DNAI3: variants seen among roughly 807,000 people sequenced by gnomAD.
The protein encoded by DNAI3 is WD repeat domain 63.
Under a neutral mutation model 115.5 loss-of-function variants are expected in DNAI3, and 83 were observed. That is an observed-to-expected ratio of 0.72 (90% confidence interval 0.60 to 0.86). The LOEUF (loss-of-function observed/expected upper bound fraction) is 0.86. Among genes scored for constraint, DNAI3 ranks in the 40% least tolerant of loss-of-function variants. The probability of loss-of-function intolerance (pLI) is 0.00; values close to 1 mark genes in which losing one functional copy is unlikely to be tolerated. For missense variants in DNAI3, 1,004 were observed against 1,075.8 expected, an observed-to-expected ratio of 0.93 and a Z score of 0.93; for synonymous variants, 320 against 347.0, an observed-to-expected ratio of 0.92 and a Z score of 0.86.
intron 11 of DNAI3, 32 bp from the exon 12 acceptor site, chr1:85,097,537 A>G: frequency 6.4e-7 from 1 of 1,565,078 alleles, no homozygotes; most frequent in Admixed American, 2.0e-5. Flanking sequence ...TATTTTCTGA[A>G]AAGGTTATGA....
intron 5 of DNAI3, among the ~76,000 whole-genome samples, chr1:85,082,799 A>G (rs1162043086): frequency 1.3e-5 from 2 of 152,166 alleles, no homozygotes; most frequent in Non-Finnish European, 2.9e-5. Flanking sequence ...TAAGCAGTAA[A>G]TGGGGGATGA....
At chr1:85,079,773 G>A (rs930212152) in intron 3 of DNAI3, among the ~76,000 whole-genome samples, 5 of 152,230 alleles carry the variant, frequency 3.3e-5, no homozygotes, top group Non-Finnish European at 7.4e-5. Flanking sequence ...GGCCTGAGGC[G>A]CAAAGAAGGG....
At position 85,110,120 on chromosome 1, in the gene DNAI3, C is replaced by T. The variant is rs375526346; in HGVS notation, c.1771C>T (p.Leu591Phe). 2 of 1,596,582 alleles carry T rather than the reference C, an allele frequency of 1.3e-6. No individual in the cohort carries two copies. Among genetic ancestry groups the T allele is most frequent in the Non-Finnish European group, 1.7e-6 (2 of 1,169,022 alleles). The change falls in exon 16 of 23, where the codon CTT becomes TTT. Residue 591 changes from leucine to phenylalanine, a missense_variant. Physicochemically the swap from Leu to Phe is conservative, Grantham distance 22. Transcript: ENST00000294664. Reference protein sequence around the residue: ...TKISLNEDHLLCKTQDKMLAQ... With the variant: ...TKISLNEDHLFCKTQDKMLAQ... Reference sequence around the variant, plus strand: ...GATAAGCCTGAATGAAGACCATCTTCTTTGCAAAACACAAGGTAACTGCCT... The same window carrying T: ...GATAAGCCTGAATGAAGACCATCTTTTTTGCAAAACACAAGGTAACTGCCT...
chr1:85,091,950 C>G (rs1042787249), intron 8 of DNAI3, among the ~76,000 whole-genome samples: 4 of 152,206 alleles, frequency 2.6e-5, no homozygotes, highest in African/African-American at 9.7e-5. Context: ...TAACTTTTCT[C>G]TTGAGAATTC....
intron 22 of DNAI3, among the ~76,000 whole-genome samples, chr1:85,130,603 G>A (rs1308231834): frequency 3.3e-5 from 5 of 151,778 alleles, no homozygotes; most frequent in Admixed American, 6.6e-5. Flanking sequence ...TAAAGAAAGT[G>A]ACAAATAGAC....
chr1:85,082,061 T>A (rs1385584876), intron 4 of DNAI3, among the ~76,000 whole-genome samples: 1 of 152,258 alleles, frequency 6.6e-6, no homozygotes, highest in Non-Finnish European at 1.5e-5. Context: ...AAACAAAAAC[T>A]GCTTCTTTTT....
intron 18 of DNAI3, among the ~76,000 whole-genome samples, chr1:85,122,895 C>G (rs1425119039): frequency 6.6e-6 from 1 of 152,136 alleles, no homozygotes; most frequent in Non-Finnish European, 1.5e-5. Context: ...GCAGCCAACT[C>G]TCAGGGAGAG....
chr1:85,084,421 A>C, intron 5 of DNAI3, 125 bp from the exon 6 acceptor site: 1 of 706,922 alleles, frequency 1.4e-6, no homozygotes, highest in Non-Finnish European at 1.9e-6. Flanking sequence ...AATTGACAAA[A>C]AAAAGTAAAA....
rs749143762 is a variant in DNAI3 at position 85,128,716 on chromosome 1, C to A, written c.2326C>A (p.Gln776Lys). ...TATTTTAAAATTTTCAGCTAAACAG[C>A]AATTTATAGCCACAGCTGATTATTA... Reference protein sequence around the residue: ...IKPWIFSSKQQFIATADYYGT... With the variant: ...IKPWIFSSKQKFIATADYYGT... Residue 776 changes from glutamine to lysine, a missense_variant, in exon 21 of 23, where the codon CAA becomes AAA. Gln to Lys is a moderately conservative substitution (Grantham distance 53). Transcript: ENST00000294664. 21 of 1,601,608 alleles carry A rather than the reference C, an allele frequency of 1.3e-5. No homozygotes were observed. The highest frequency in any genetic ancestry group is 1.6e-5 in the Non-Finnish European group (19 of 1,177,330).
chr1:85,116,803 G>T (rs560415765), intron 16 of DNAI3, among the ~76,000 whole-genome samples: 1 of 152,048 alleles, frequency 6.6e-6, no homozygotes, highest in Non-Finnish European at 1.5e-5. Flanking sequence ...TTTGATACTC[G>T]TTTTTGATGT....
intron 19 of DNAI3, among the ~76,000 whole-genome samples, 196 bp from the exon 20 acceptor site, chr1:85,126,315 G>A (rs1656132122): frequency 6.6e-6 from 1 of 152,138 alleles, no homozygotes; most frequent in Admixed American, 6.5e-5. Context: ...ACTAAAAATG[G>A]CTTATGAAAA....
In DNAI3 at chr1:85,133,013, G is replaced by A. The variant is rs1325418504; in HGVS notation, c.*15G>A. The A allele has an allele frequency of 6.2e-7, 1 of 1,603,220 alleles. No homozygotes were observed. The highest frequency in any genetic ancestry group is 1.3e-5 in the African/African-American group (1 of 74,342). ...AGGTGATGTAAAAAAGCTTCCTGAAGGGGTGTTTTGGGGACTTCTTCCCTC... is the reference window on the plus strand; with the variant it reads ...AGGTGATGTAAAAAAGCTTCCTGAAAGGGTGTTTTGGGGACTTCTTCCCTC... On this transcript the variant is annotated 3_prime_UTR_variant, in exon 23 of 23. Coordinates refer to ENST00000294664, the MANE Select transcript of DNAI3 (RefSeq NM_145172.5).
chr1:85,087,580 C>T (rs947236819), intron 7 of DNAI3, among the ~76,000 whole-genome samples: 5 of 151,894 alleles, frequency 3.3e-5, no homozygotes, highest in Non-Finnish European at 7.4e-5. Context: ...TTCACTCTGC[C>T]CTTGGAATTT....
intron 6 of DNAI3, 39 bp from the exon 7 acceptor site, chr1:85,085,792 A>G: frequency 1.3e-6 from 1 of 771,008 alleles, no homozygotes. Context: ...CACATCAGGG[A>G]CTTCATTATG....
intron 13 of DNAI3, among the ~76,000 whole-genome samples, chr1:85,101,134 T>TAAA (rs11383869): frequency 6.7e-6 from 1 of 150,138 alleles, no homozygotes. Context: ...ATAATAAAAT[T>TAAA]AAAAAAAAAG....
chr1:85,101,635 G>A (rs915306180), intron 13 of DNAI3, among the ~76,000 whole-genome samples: 6 of 147,612 alleles, frequency 4.1e-5, no homozygotes, highest in African/African-American at 7.5e-5. Flanking sequence ...GGCTGAGGCG[G>A]GAGAATGGTG....
chr1:85,065,926 G>A (rs1054464591), intron 1 of DNAI3, among the ~76,000 whole-genome samples: 4 of 152,194 alleles, frequency 2.6e-5, no homozygotes, highest in Non-Finnish European at 5.9e-5. Context: ...GAAGCAGATC[G>A]TAGACAGCTG....
intron 15 of DNAI3, 126 bp downstream of exon 15, chr1:85,108,303 ATTTGTG>A: frequency 9.6e-7 from 1 of 1,043,130 alleles, no homozygotes; most frequent in Admixed American, 2.8e-5. Context: ...AGACTGTACA[ATTTGTG>A]TTTATTCAAC....
chr1:85,112,310 G>A (rs1037073290), intron 16 of DNAI3, among the ~76,000 whole-genome samples: 1 of 152,118 alleles, frequency 6.6e-6, no homozygotes, highest in African/African-American at 2.4e-5. Context: ...TCATTGTATG[G>A]ATACACAACA....
Sources: gnomAD v4.1 joint callset for allele counts (sites outside exome capture counted in the v4.1 genomes callset) on GRCh38, gnomAD v4.1.1 for gene constraint, MANE v1.5 for transcripts, NCBI Gene and HGNC (gene_info 2026-07-23, HGNC 2026-07-21) for gene names.